ITPR3: variants seen among roughly 807,000 people sequenced by gnomAD.
The protein encoded by ITPR3 is inositol 1,4,5-trisphosphate-gated calcium channel ITPR3.
Under a neutral mutation model 293.2 loss-of-function variants are expected in ITPR3, and 173 were observed. The ratio of observed to expected loss-of-function variants is 0.59; its 90% CI spans 0.52 to 0.67. The LOEUF (loss-of-function observed/expected upper bound fraction) is 0.67. Ranked by LOEUF, ITPR3 falls within the 30% of genes least tolerant of loss-of-function variation. The probability of loss-of-function intolerance (pLI) is 0.00; values close to 1 mark genes in which losing one functional copy is unlikely to be tolerated. For synonymous variants in ITPR3, 1,295 were observed against 1,444.4 expected, an observed-to-expected ratio of 0.90 and a Z score of 2.35; for missense variants, 2,796 against 3,592.1, an observed-to-expected ratio of 0.78 and a Z score of 5.66.
rs1554137399 is a variant in ITPR3, at chr6:33,666,606, T to TG, written c.1552-523_1552-522insG. ...TCCCAGAATGTCTTTGTAAAGTTTG[T>TG]TTTTTTTTTTTTAGAAACGAGGATC... On this transcript the variant is annotated intron_variant, in intron 14 of 57. Transcript: ENST00000605930. The surrounding 1 kb of genome is among the most constrained non-coding windows in gnomAD (Gnocchi z 5.1). 7.0e-5 allele frequency among the ~76,000 whole-genome samples: 4 copies of TG among 57,068 alleles called. No individual in the cohort carries two copies. The highest frequency in any genetic ancestry group is 1.4e-3 in the East Asian group (1 of 696). The allele number at this position is 57,068 out of a possible 152,430, so 37.4% of individuals were successfully genotyped here.
intron 1 of ITPR3, among the ~76,000 whole-genome samples, chr6:33,629,768 C>T (rs941247491): frequency 6.6e-6 from 1 of 151,900 alleles, no homozygotes; most frequent in Non-Finnish European, 1.5e-5. Flanking sequence ...GCGTGAGCCA[C>T]CACGCCGGGC....
chr6:33,663,779 G>A lies in ITPR3; in HGVS notation c.1047G>A (p.Lys349=), dbSNP rs373707237. 1 of 1,614,062 alleles carries A rather than the reference G, an allele frequency of 6.2e-7. No individual in the cohort carries two copies. The highest frequency in any genetic ancestry group is 1.3e-5 in the African/African-American group (1 of 74,936). Residue 349 remains lysine (K), a synonymous_variant, in exon 11 of 58, where the codon AAG becomes AAA. Transcript: ENST00000605930. ...CAGGCCGCAGGAATGCTGGGGAGAA[G>A]ATCAAGTACTGCCTGGTGGCTGTGC... ...GRTGRRNAGE[K]IKYCLVAVPH...
chr6:33,647,647 C>T (rs1764098030), intron 2 of ITPR3, among the ~76,000 whole-genome samples: 1 of 152,204 alleles, frequency 6.6e-6, no homozygotes, highest in Non-Finnish European at 1.5e-5. Context: ...TTTCACTTAG[C>T]ATAATGGGTT....
rs1764400704 is a variant in ITPR3, at chr6:33,659,468, C to T, written c.630C>T (p.Val210=). ...ELSDNAGCKE[V]NSVNCNTSWK... is the part of the protein sequence containing the mutation. ...CGGGTCTTGTCACCCTTCCGCAGGT[C>T]AATTCTGTGAACTGCAACACCAGCT... The change falls in exon 7 of 58, where the codon GTC becomes GTT. Residue 210 remains valine, a splice_region_variant and synonymous_variant. Transcript: ENST00000605930. The T allele has an allele frequency of 6.2e-7, 1 of 1,613,900 alleles. No homozygotes were observed. The highest frequency in any genetic ancestry group is 1.7e-5 in the Admixed American group (1 of 60,002).
At position 33,658,829 on chromosome 6, in the gene ITPR3, G is replaced by A. The variant is rs941524940; in HGVS notation, c.528+1G>A. ...GAAGCTGCGGAGCAACGGGGACAAC[G>A]TGAGGGCAGGGCCAGGGTTGGAGGG... On this transcript the variant is annotated splice_donor_variant, in intron 5 of 57. Transcript: ENST00000605930. LOFTEE classifies it high-confidence loss of function. The surrounding 1 kb of genome is among the most constrained non-coding windows in gnomAD (Gnocchi z 6.1). The A allele has an allele frequency of 1.2e-6, 2 of 1,614,088 alleles. No individual in the cohort carries two copies. Among genetic ancestry groups the A allele is most frequent in the Non-Finnish European group, 1.7e-6 (2 of 1,179,990 alleles).
In ITPR3 at chr6:33,692,969, T is replaced by G; in HGVS notation, c.7624+76T>G. 4.0e-5 allele frequency: 60 copies of G among 1,488,134 alleles called. No homozygotes were observed. The highest frequency in any genetic ancestry group is 4.9e-5 in the South Asian group (4 of 81,672). The allele number at this position is 1,488,134 out of a possible 1,614,324, so 92.2% of individuals were successfully genotyped here. A position where few individuals can be genotyped will look rare whatever the true frequency, so the allele number is the denominator to read the frequency against. ...TCTGATGCCAGTGGCAGTAGCGGTTTGGCCCTTCCTGCCCTGGGGAACCCT... is the reference window on the plus strand; with the variant it reads ...TCTGATGCCAGTGGCAGTAGCGGTTGGGCCCTTCCTGCCCTGGGGAACCCT... On this transcript the variant is annotated intron_variant, in intron 55 of 57. Transcript: ENST00000605930. This position sits in a 1 kb window ranked among gnomAD's most constrained non-coding sequence, Gnocchi z 4.2.
In ITPR3 at chr6:33,691,602, A is replaced by G. The variant is rs776161352; in HGVS notation, c.7226-13A>G. The G allele has an allele frequency of 3.7e-6, 6 of 1,610,814 alleles. No individual in the cohort carries two copies. The highest frequency in any genetic ancestry group is 2.2e-5 in the East Asian group (1 of 44,854). ...ACTGGACCTCCTGATGATCTCATCC[A>G]TATCCCCTCCAGCCAGCCCCCTGGG... On this transcript the variant is annotated splice_polypyrimidine_tract_variant and intron_variant, in intron 52 of 57. Coordinates refer to ENST00000605930, the MANE Select transcript of ITPR3 (RefSeq NM_002224.4). The surrounding 1 kb of genome is among the most constrained non-coding windows in gnomAD (Gnocchi z 4.9).
chr6:33,631,810 T>C (rs1763685647), intron 1 of ITPR3, among the ~76,000 whole-genome samples: 1 of 152,204 alleles, frequency 6.6e-6, no homozygotes, highest in African/African-American at 2.4e-5. Flanking sequence ...CAAGGAGCCC[T>C]CAAGCGGCCC....
Position 33,688,682 on chromosome 6 carries a change from C to T in ITPR3, c.6595C>T (p.Arg2199Cys), listed in dbSNP as rs775240877. The change falls in exon 49 of 58, where the codon CGC (arginine) becomes TGC (cysteine). Residue 2199 changes from arginine to cysteine, a missense_variant. This residue lies in a region of ITPR3 where 568 missense variants were observed against 796.1 expected (regional missense o/e 0.71). Coordinates refer to ENST00000605930, the MANE Select transcript of ITPR3 (RefSeq NM_002224.4). ...RSMPLIYWFSRRMTLWGSISF... is the reference protein window; with the variant it reads ...RSMPLIYWFSCRMTLWGSISF... ...CATGCCGCTGATCTACTGGTTCTCC[C>T]GCCGCATGACCCTGTGGGGCAGCAT... The T allele has an allele frequency of 1.8e-5, 29 of 1,614,066 alleles. No homozygotes were observed. Among genetic ancestry groups the T allele is most frequent in the South Asian group, 4.4e-5 (4 of 91,090 alleles).
At chr6:33,650,196 G>C (rs1378042685) in intron 2 of ITPR3, among the ~76,000 whole-genome samples, 2 of 152,162 alleles carry the variant, frequency 1.3e-5, no homozygotes, top group African/African-American at 2.4e-5. Flanking sequence ...GACAGGGAAG[G>C]CTCAGGCCCC....
rs1348614832 is a variant in ITPR3, at chr6:33,638,159, C to T, written c.90-2325C>T. Among the ~76,000 whole-genome samples, 1 of 152,130 alleles carries T rather than the reference C, an allele frequency of 6.6e-6. No homozygotes were observed. Among genetic ancestry groups the T allele is most frequent in the African/African-American group, 2.4e-5 (1 of 41,426 alleles). The stretch of plus-strand genomic sequence containing the variant: ...TAGCTGGGATTACAGGCGCGCACCG[C>T]CACGCCCAGCTAATTTTTGTATTTT... On this transcript the variant is annotated intron_variant, in intron 1 of 57. Coordinates refer to ENST00000605930, the MANE Select transcript of ITPR3 (RefSeq NM_002224.4). The surrounding 1 kb of genome is among the most constrained non-coding windows in gnomAD (Gnocchi z 4.3).
Position 33,664,880 on chromosome 6 carries a change from G to C in ITPR3, c.1159G>C (p.Val387Leu), listed in dbSNP as rs1440483848. 6.2e-7 allele frequency: 1 copy of C among 1,613,606 alleles called. No homozygotes were observed. The highest frequency in any genetic ancestry group is 1.3e-5 in the African/African-American group (1 of 74,884). Residue 387 changes from valine (V) to leucine (L), a missense_variant, in exon 12 of 58, where the codon GTC becomes CTC. Val to Leu is a conservative substitution (Grantham distance 32). Around this residue, in one of 8 missense-constraint regions of ITPR3, gnomAD observed 955 missense variants for 1,180.8 expected, o/e 0.81. Transcript: ENST00000605930. The surrounding 1 kb of genome is among the most constrained non-coding windows in gnomAD (Gnocchi z 4.4). ...CCCACCCACCTGCAGGAACTCGTACGTCCGGCTGCGGCACCTCTGCACCAA... is the reference window on the plus strand; with the variant it reads ...CCCACCCACCTGCAGGAACTCGTACCTCCGGCTGCGGCACCTCTGCACCAA... The part of the protein sequence containing the change: ...TDSFVPRNSY[V>L]RLRHLCTNTW...
chr6:33,676,912 G>T lies in ITPR3; in HGVS notation c.3427G>T (p.Ala1143Ser). The change falls in exon 26 of 58, where the codon GCC becomes TCC. Residue 1143 changes from alanine to serine, a missense_variant. Ala to Ser is a moderately conservative substitution (Grantham distance 99). Coordinates refer to ENST00000605930, the MANE Select transcript of ITPR3 (RefSeq NM_002224.4). ...SGKGEEVEAG[A>S]AKDKKERPTD... ...CAAGGGTGAGGAGGTGGAGGCAGGC[G>T]CCGCCAAGGACAAGAAAGAGGTAAG... 1.2e-6 allele frequency: 2 copies of T among 1,614,064 alleles called. No homozygotes were observed. The highest frequency in any genetic ancestry group is 1.7e-6 in the Non-Finnish European group (2 of 1,179,948).
chr6:33,640,533 A>G lies in ITPR3; in HGVS notation c.139A>G (p.Asn47Asp). 1 of 1,613,378 alleles carries G rather than the reference A, an allele frequency of 6.2e-7. No homozygotes were observed. The highest frequency in any genetic ancestry group is 1.1e-5 in the South Asian group (1 of 91,040). Residue 47 changes from asparagine to aspartate, a missense_variant, in exon 2 of 58, where the codon AAC becomes GAC. This residue lies in a region of ITPR3 where 53 missense variants were observed against 45.7 expected (regional missense o/e 1.16). Coordinates refer to ENST00000605930, the MANE Select transcript of ITPR3 (RefSeq NM_002224.4). ...GGAGCCCGCGGCCGGGGACCTGGAC[A>G]ACCCCCCTAAGAAGTTCCGTGGTAA... ...VVEPAAGDLDNPPKKFRDCLF... is the reference protein window; with the variant it reads ...VVEPAAGDLDDPPKKFRDCLF...
At position 33,667,980 on chromosome 6, in the gene ITPR3, C is replaced by G. The variant is rs763173273; in HGVS notation, c.1886+16C>G. On this transcript the variant is annotated intron_variant, in intron 16 of 57. Coordinates refer to ENST00000605930, the MANE Select transcript of ITPR3 (RefSeq NM_002224.4). This position sits in a 1 kb window ranked among gnomAD's most constrained non-coding sequence, Gnocchi z 4.4. Reference sequence around the variant, plus strand: ...GGGAGCCCAGGTGGGCCCGAACCCCCTCCCCGGCCGGCGCCTGCTCCTCCC... The same window carrying G: ...GGGAGCCCAGGTGGGCCCGAACCCCGTCCCCGGCCGGCGCCTGCTCCTCCC... 5 of 1,613,158 alleles carry G rather than the reference C, an allele frequency of 3.1e-6. No individual in the cohort carries two copies. The highest frequency in any genetic ancestry group is 4.2e-6 in the Non-Finnish European group (5 of 1,179,618).
chr6:33,696,105 G>T lies in ITPR3; in HGVS notation c.*325G>T, dbSNP rs1765537433. Reference sequence around the variant, plus strand: ...ACAACTCTTTGTAGTCCTCCTTGTGGGTAGTTAAGAGTGGGGTCACCCCTT... The same window carrying T: ...ACAACTCTTTGTAGTCCTCCTTGTGTGTAGTTAAGAGTGGGGTCACCCCTT... On this transcript the variant is annotated 3_prime_UTR_variant, in exon 58 of 58. Coordinates refer to ENST00000605930, the MANE Select transcript of ITPR3 (RefSeq NM_002224.4). The T allele has an allele frequency of 3.2e-6, 1 of 317,148 alleles. No homozygotes were observed. The highest frequency in any genetic ancestry group is 4.5e-5 in the Admixed American group (1 of 22,248). The allele number at this position is 317,148 out of a possible 1,614,324, so 19.6% of individuals were successfully genotyped here.
intron 2 of ITPR3, among the ~76,000 whole-genome samples, chr6:33,651,273 T>C (rs1764184330): frequency 1.4e-5 from 1 of 73,406 alleles, no homozygotes; most frequent in Non-Finnish European, 2.6e-5. Flanking sequence ...TGAGACTCCG[T>C]CTCAAAAAAA....
chr6:33,659,552 A>G lies in ITPR3; in HGVS notation c.711+3A>G. On this transcript the variant is annotated splice_donor_region_variant and intron_variant, in intron 7 of 57. Transcript: ENST00000605930. The stretch of plus-strand genomic sequence containing the variant: ...ACCTGGAGGAGGTGTTGAAAGGGGT[A>G]AGGACTGGGAACCCCTGCCCTGCCC... 6.2e-7 allele frequency: 1 copy of G among 1,611,314 alleles called. No individual in the cohort carries two copies. Among genetic ancestry groups the G allele is most frequent in the East Asian group, 2.2e-5 (1 of 44,862 alleles).
At chr6:33,634,084 G>T (rs1325299112) in intron 1 of ITPR3, among the ~76,000 whole-genome samples, 1 of 152,140 alleles carries the variant, frequency 6.6e-6, no homozygotes, top group Non-Finnish European at 1.5e-5. Flanking sequence ...GACTTCACGC[G>T]ACGCTCCCTC....
Sources: gnomAD v4.1 joint callset for allele counts (sites outside exome capture counted in the v4.1 genomes callset) on GRCh38, gnomAD v4.1.1 for gene constraint, gnomAD v4.1.1 regional missense constraint, Gnocchi (gnomAD v3.1) non-coding constraint, MANE v1.5 for transcripts, NCBI Gene and HGNC (gene_info 2026-07-23, HGNC 2026-07-21) for gene names.